The following KIF5A variants were observed in gnomAD, a reference collection of about 807,000 sequenced individuals.
The protein encoded by KIF5A is kinesin family member 5A.
In KIF5A, 35 loss-of-function variants were observed where a neutral mutation model predicts 141.3. The ratio of observed to expected loss-of-function variants is 0.25; its 90% confidence interval spans 0.19 to 0.33. The LOEUF is 0.33. KIF5A is among the 10% of genes least tolerant of loss of function. The pLI, the probability that KIF5A is intolerant of heterozygous loss-of-function variation, is 1.00. For missense variants in KIF5A, 861 were observed against 1,314.3 expected (o/e 0.66, Z 5.33); for synonymous variants, 448 against 500.2 (o/e 0.90, Z 1.39).
At chr12:57,562,026 A>T (rs1881921942) in intron 1 of KIF5A, among the ~76,000 whole-genome samples, 1 of 152,260 alleles carries the variant, frequency 6.6e-6, no homozygotes, top group Admixed American at 6.5e-5. Flanking sequence ...GTCACCTATG[A>T]TAGAGAACAA....
chr12:57,575,951 C>T (rs1435753447), intron 17 of KIF5A, 136 bp from the exon 18 acceptor site: 1 of 955,416 alleles, frequency 1.0e-6, no homozygotes, highest in African/African-American at 1.6e-5. Flanking sequence ...CCTGCTATAT[C>T]AAATTGGACA....
At chr12:57,567,648 G>A in intron 8 of KIF5A, 30 bp downstream of exon 8, 2 of 1,582,550 alleles carry the variant, frequency 1.3e-6, no homozygotes, top group Admixed American at 3.8e-5. Context: ...TGGGGTGGGT[G>A]GAAGCCTTGG....
intron 24 of KIF5A, 71 bp downstream of exon 24, chr12:57,581,243 C>A: frequency 6.5e-7 from 1 of 1,528,970 alleles, no homozygotes. Flanking sequence ...AATTGCCAAG[C>A]AACTAGATTA....
Position 57,569,977 on chromosome 12 carries a change from C to T in KIF5A, c.1118-10C>T. 2.5e-6 allele frequency: 4 copies of T among 1,612,442 alleles called. No individual in the cohort carries two copies. Among genetic ancestry groups the T allele is most frequent in the Non-Finnish European group, 3.4e-6 (4 of 1,178,826 alleles). On this transcript the variant is annotated splice_polypyrimidine_tract_variant and intron_variant, in intron 11 of 28. Coordinates refer to ENST00000455537, the MANE Select transcript of KIF5A (RefSeq NM_004984.4). ...TCTTCCATCTCTCACCTCGTCTTGC[C>T]CCTTTGCAGGAGAGAATGTGCCTGA... is the stretch of plus-strand genomic sequence containing the variant.
At chr12:57,582,985 C>T in intron 27 of KIF5A, 116 bp from the exon 28 acceptor site, 1 of 872,044 alleles carries the variant, frequency 1.1e-6, no homozygotes, top group Non-Finnish European at 1.9e-6. Context: ...TCCTGTAAAA[C>T]ACAAATAGTC....
intron 13 of KIF5A, 149 bp downstream of exon 13, chr12:57,571,538 C>T: frequency 1.4e-6 from 1 of 719,494 alleles, no homozygotes; most frequent in Non-Finnish European, 2.4e-6. Context: ...CTGGGAACCT[C>T]ACTGGGGCTT....
At position 57,569,590 on chromosome 12, in the gene KIF5A, T is replaced by G; in HGVS notation, c.1024T>G (p.Trp342Gly). Residue 342 changes from tryptophan (W) to glycine (G), a missense_variant, in exon 11 of 29, where the codon TGG (tryptophan) becomes GGG (glycine). This residue lies in a region of KIF5A where 167 missense variants were observed against 192.0 expected (regional missense o/e 0.87). Coordinates refer to ENST00000455537, the MANE Select transcript of KIF5A (RefSeq NM_004984.4). ...AAATTTGGAGTTGACTGCTGAGCAG[T>G]GGAAGAAGAAATATGAGAAGGAGAA... ...SVNLELTAEQ[W>G]KKKYEKEKEK... 1 of 1,613,866 alleles carries G rather than the reference T, an allele frequency of 6.2e-7. No homozygotes were observed. The highest frequency in any genetic ancestry group is 8.5e-7 in the Non-Finnish European group (1 of 1,179,974).
At chr12:57,574,030 C>G (rs1279664017) in intron 15 of KIF5A, among the ~76,000 whole-genome samples, 2 of 143,174 alleles carry the variant, frequency 1.4e-5, no homozygotes, top group Admixed American at 7.2e-5. Flanking sequence ...TTGCAGTGAG[C>G]AGAGATGCGG....
intron 1 of KIF5A, among the ~76,000 whole-genome samples, chr12:57,563,199 G>T (rs965778140): frequency 6.6e-6 from 1 of 151,864 alleles, no homozygotes; most frequent in Non-Finnish European, 1.5e-5. Flanking sequence ...TAGAGACGGG[G>T]TTTCACCATA....
chr12:57,581,392 G>A (rs758006378), intron 24 of KIF5A, 23 bp from the exon 25 acceptor site: 11 of 1,613,188 alleles, frequency 6.8e-6, no homozygotes, highest in South Asian at 5.5e-5. Context: ...CCTCCTCATG[G>A]TTGTTTTCTT....
chr12:57,577,771 G>C lies in KIF5A; in HGVS notation c.2359G>C (p.Val787Leu). ...GGACCTCAAGGGTCTGGAGGAGACA[G>C]TTGTGAGTGGTTCCCTTCTGTGCCA... ...KQDLKGLEET[V>L]ARELQTLHNL... is the part of the protein sequence containing the mutation. Residue 787 changes from valine to leucine, a missense_variant and splice_region_variant, in exon 21 of 29, where the codon GTT becomes CTT. Val to Leu is a conservative substitution (Grantham distance 32). Coordinates refer to ENST00000455537, the MANE Select transcript of KIF5A (RefSeq NM_004984.4). The C allele has an allele frequency of 6.2e-7, 1 of 1,612,560 alleles. No individual in the cohort carries two copies. The highest frequency in any genetic ancestry group is 8.5e-7 in the Non-Finnish European group (1 of 1,178,570).
chr12:57,556,007 T>C (rs541979809), intron 1 of KIF5A, among the ~76,000 whole-genome samples: 1 of 152,008 alleles, frequency 6.6e-6, no homozygotes, highest in African/African-American at 2.4e-5. Flanking sequence ...AGAGCCAGGC[T>C]TGGAATTTTA....
At chr12:57,566,738 C>T (rs190493754) in intron 6 of KIF5A, among the ~76,000 whole-genome samples, 53 of 149,434 alleles carry the variant, frequency 3.5e-4, no homozygotes, top group African/African-American at 1.0e-3. Flanking sequence ...GTAGTAAATA[C>T]GTAAGATAAA....
At chr12:57,575,957 G>T in intron 17 of KIF5A, 130 bp from the exon 18 acceptor site, 1 of 970,294 alleles carries the variant, frequency 1.0e-6, no homozygotes, top group Non-Finnish European at 1.7e-6. Flanking sequence ...ATATCAAATT[G>T]GACAGTCCTA....
At chr12:57,575,298 C>T in intron 16 of KIF5A, 26 bp downstream of exon 16, 1 of 1,606,346 alleles carries the variant, frequency 6.2e-7, no homozygotes. Flanking sequence ...TGAGAACCTT[C>T]AGATGCCATG....
intron 15 of KIF5A, among the ~76,000 whole-genome samples, chr12:57,573,304 C>T (rs999001389): frequency 2.0e-5 from 3 of 152,016 alleles, no homozygotes; most frequent in South Asian, 2.1e-4. Context: ...CTGAGACAGG[C>T]GGATCGCTTG....
At position 57,550,363 on chromosome 12, in the gene KIF5A, T is replaced by C. The variant is rs199955108; in HGVS notation, c.92T>C (p.Ile31Thr). The C allele has an allele frequency of 7.4e-6, 12 of 1,613,970 alleles. No individual in the cohort carries two copies. The highest frequency in any genetic ancestry group is 1.3e-5 in the African/African-American group (1 of 74,882). ...GAGATTCTGCGGGGAGACAAGTTCA[T>C]CCCCATTTTCCAAGGGGACGACAGC... The part of the protein sequence containing the change: ...QAEILRGDKF[I>T]PIFQGDDSVV... The change falls in exon 1 of 29, where the codon ATC becomes ACC. Residue 31 changes from isoleucine to threonine, a missense_variant. By Grantham distance (89) the Ile-to-Thr change is moderately conservative. This residue lies in a region of KIF5A where 59 missense variants were observed against 81.1 expected (regional missense o/e 0.73). Transcript: ENST00000455537. This position sits in a 1 kb window ranked among gnomAD's most constrained non-coding sequence, Gnocchi z 4.6.
Position 57,581,862 on chromosome 12 carries a change from C to G in KIF5A, c.2910-8C>G. ...TCAGAGGCTGCCTCTTTCCTCTGCT[C>G]CATCCAGCTTTGCAAACTCCTGTAC... On this transcript the variant is annotated splice_polypyrimidine_tract_variant and splice_region_variant and intron_variant, in intron 25 of 28. Coordinates refer to ENST00000455537, the MANE Select transcript of KIF5A (RefSeq NM_004984.4). 1.2e-6 allele frequency: 2 copies of G among 1,613,620 alleles called. No homozygotes were observed. The highest frequency in any genetic ancestry group is 1.7e-4 in the Middle Eastern group (1 of 5,848).
chr12:57,583,221 GTCAGGCTGCTTCCTCGGACCAGCC>G lies in KIF5A; in HGVS notation c.*36+12_*36+35del. 2 of 1,552,004 alleles carry G rather than the reference GTCAGGCTGCTTCCTCGGACCAGCC, an allele frequency of 1.3e-6. No individual in the cohort carries two copies. Among genetic ancestry groups the G allele is most frequent in the Non-Finnish European group, 1.8e-6 (2 of 1,128,592 alleles). On this transcript the variant is annotated splice_region_variant and intron_variant, in intron 28 of 28. Transcript: ENST00000455537. ...CTGCATACCTGCACTTTCAGGTAGC[GTCAGGCTGCTTCCTCGGACCAGCC>G]TCAGGTTGCTTCCCTTCTTGCTGAC...
Sources: allele counts gnomAD v4.1 joint callset (sites outside exome capture counted in the v4.1 genomes callset), GRCh38; gene constraint gnomAD v4.1.1; regional missense constraint gnomAD v4.1.1; non-coding constraint Gnocchi (gnomAD v3.1); transcripts MANE v1.5; gene names NCBI Gene and HGNC (gene_info 2026-07-23, HGNC 2026-07-21).